The following LAMC3 variants were observed in gnomAD, a reference collection of about 807,000 sequenced individuals.
LAMC3 encodes the protein laminin subunit gamma-3.
Under a neutral mutation model 173.8 loss-of-function variants are expected in LAMC3, and 128 were observed. That is an observed-to-expected ratio of 0.74 (90% CI 0.64 to 0.85). LAMC3 has a LOEUF of 0.85. Among genes scored for constraint, LAMC3 ranks in the 40% least tolerant of loss-of-function variants. The pLI, the probability that LAMC3 is intolerant of heterozygous loss-of-function variation, is 0.00. For synonymous variants in LAMC3, 897 were observed against 909.1 expected, an observed-to-expected ratio of 0.99 and a Z score of 0.24; for missense variants, 2,022 against 2,156.0, an observed-to-expected ratio of 0.94 and a Z score of 1.23.
At chr9:131,045,453 G>A in intron 7 of LAMC3, 71 bp from the exon 8 acceptor site, 1 of 1,572,990 alleles carries the variant, frequency 6.4e-7, no homozygotes, top group East Asian at 2.2e-5. Flanking sequence ...GGTCCAGCTG[G>A]GATACCCTGG....
chr9:131,009,328 G>T lies in LAMC3; in HGVS notation c.114G>T (p.Val38=), dbSNP rs1833360542. ...GAGRPQRCLP[V]FENAAFGRLA... ...GGCGCCCGCAGCGCTGCCTGCCGGT[G>T]TTCGAGAACGCGGCGTTTGGGCGGC... The change falls in exon 1 of 28, where the codon GTG becomes GTT. Residue 38 remains valine, a synonymous_variant. Transcript: ENST00000361069. This position sits in a 1 kb window ranked among gnomAD's most constrained non-coding sequence, Gnocchi z 4.3. 6.7e-7 allele frequency: 1 copy of T among 1,486,668 alleles called. No individual in the cohort carries two copies. The highest frequency in any genetic ancestry group is 8.9e-7 in the Non-Finnish European group (1 of 1,125,560). The allele number at this position is 1,486,668 out of a possible 1,614,324, so 92.1% of individuals were successfully genotyped here. A position where few individuals can be genotyped will look rare whatever the true frequency, so the allele number is the denominator to read the frequency against.
At position 131,059,490 on chromosome 9, in the gene LAMC3, C is replaced by CAA. The variant is rs58064050; in HGVS notation, c.2159-1517_2159-1516dup. Reference sequence around the variant, plus strand: ...CTGGGCGACAGAGCGGACTCCGTCTCAAAAAAAAAAAAAAAAAAAAAAAAA... The same window carrying CAA: ...CTGGGCGACAGAGCGGACTCCGTCTCAAAAAAAAAAAAAAAAAAAAAAAAAAA... On this transcript the variant is annotated intron_variant, in intron 12 of 27. Transcript: ENST00000361069. Among the ~76,000 whole-genome samples, 482 of 64,400 alleles carry CAA rather than the reference C, an allele frequency of 7.5e-3. 33 individuals are homozygous for CAA. The highest frequency in any genetic ancestry group is 0.017 in the African/African-American group (312 of 18,062). The allele number at this position is 64,400 out of a possible 152,430, so 42.2% of individuals were successfully genotyped here. A position where few individuals can be genotyped will look rare whatever the true frequency, so the allele number is the denominator to read the frequency against.
intron 27 of LAMC3, among the ~76,000 whole-genome samples, chr9:131,089,561 T>C (rs1830388405): frequency 1.8e-5 from 2 of 111,150 alleles, no homozygotes; most frequent in Non-Finnish European, 3.8e-5. Context: ...TTTTTTTTTT[T>C]TTTGGAGACA....
intron 13 of LAMC3, 135 bp from the exon 14 acceptor site, chr9:131,066,825 C>G: frequency 8.4e-7 from 1 of 1,191,244 alleles, no homozygotes; most frequent in Non-Finnish European, 1.2e-6. Context: ...CACTGGGGGC[C>G]GGTCCCAGGT....
intron 3 of LAMC3, among the ~76,000 whole-genome samples, chr9:131,032,634 TGCTCTCTC>T (rs1406137639): frequency 7.5e-6 from 1 of 133,734 alleles, no homozygotes; most frequent in East Asian, 2.2e-4. Flanking sequence ...CACTCTCTCT[TGCTCTCTC>T]GCTCTCACTC....
rs74794248 is a variant in LAMC3 at position 131,051,257 on chromosome 9, A to G, written c.1631-1234A>G. Among the ~76,000 whole-genome samples, 842 of 151,398 alleles carry G rather than the reference A, an allele frequency of 5.6e-3. 4 individuals carry two copies. Among genetic ancestry groups the G allele is most frequent in the Admixed American group, 0.011 (172 of 15,172 alleles). ...TTTTTCCCCTGCAGTTTTGCCCTTT[A>G]TTTGTCATGGTGTTTTTTGGTTTGC... On this transcript the variant is annotated intron_variant, in intron 9 of 27. Coordinates refer to ENST00000361069, the MANE Select transcript of LAMC3 (RefSeq NM_006059.4).
At chr9:131,064,555 C>A (rs941044505) in intron 13 of LAMC3, among the ~76,000 whole-genome samples, 2 of 150,444 alleles carry the variant, frequency 1.3e-5, no homozygotes, top group African/African-American at 4.9e-5. Context: ...CCCAGCTACG[C>A]GGGAGGCTGA....
At chr9:131,060,887 C>A in intron 12 of LAMC3, 148 bp from the exon 13 acceptor site, 1 of 776,306 alleles carries the variant, frequency 1.3e-6, no homozygotes, top group South Asian at 1.5e-5. Flanking sequence ...CAGGCCTGGA[C>A]CCTCAATCCC....
rs770691678 is a variant in LAMC3 at position 131,029,763 on chromosome 9, G to A, written c.679-2282G>A. 3.3e-5 allele frequency among the ~76,000 whole-genome samples: 5 copies of A among 152,102 alleles called. No individual in the cohort carries two copies. Among genetic ancestry groups the A allele is most frequent in the South Asian group, 2.1e-4 (1 of 4,830 alleles). ...GACCTGGCTGTTGCAGAGTAAGACC[G>A]CCAGAGTTGAGGGGCCGCCTGAGCA... is the stretch of plus-strand genomic sequence containing the variant. On this transcript the variant is annotated intron_variant, in intron 2 of 27. Transcript: ENST00000361069. The surrounding 1 kb of genome is among the most constrained non-coding windows in gnomAD (Gnocchi z 4.6).
At chr9:131,036,439 CG>C in intron 4 of LAMC3, 107 bp downstream of exon 4, 3 of 1,264,964 alleles carry the variant, frequency 2.4e-6, no homozygotes, top group Non-Finnish European at 2.2e-6. Context: ...GGGTACGCCC[CG>C]GGGGCAGCTC....
chr9:131,079,408 T>G, intron 23 of LAMC3, 110 bp downstream of exon 23: 7 of 1,363,026 alleles, frequency 5.1e-6, no homozygotes, highest in Non-Finnish European at 6.1e-6. Flanking sequence ...GAAGTAGCTC[T>G]GTCCGGCCGG....
chr9:131,026,256 T>G lies in LAMC3; in HGVS notation c.374-29T>G. On this transcript the variant is annotated intron_variant, in intron 1 of 27. Coordinates refer to ENST00000361069, the MANE Select transcript of LAMC3 (RefSeq NM_006059.4). The surrounding 1 kb of genome is among the most constrained non-coding windows in gnomAD (Gnocchi z 4.8). ...GATTCCATACCTCCTTCCCCTTCCA[T>G]AAAATGGGCCCCGTTTTCCTGGCTG... 1 of 1,613,688 alleles carries G rather than the reference T, an allele frequency of 6.2e-7. No homozygotes were observed. Among genetic ancestry groups the G allele is most frequent in the Non-Finnish European group, 8.5e-7 (1 of 1,179,876 alleles).
At chr9:131,044,797 A>G (rs1010139633) in intron 7 of LAMC3, among the ~76,000 whole-genome samples, 1 of 152,242 alleles carries the variant, frequency 6.6e-6, no homozygotes, top group Non-Finnish European at 1.5e-5. Context: ...AAGTGTCAAG[A>G]TAGTGGCAGA....
chr9:131,068,035 A>T lies in LAMC3; in HGVS notation c.2594-43A>T, dbSNP rs201470924. The T allele has an allele frequency of 7.1e-4, 1,139 of 1,601,516 alleles. 9 individuals carry two copies. The highest frequency in any genetic ancestry group is 2.9e-4 in the East Asian group (13 of 44,856). ...TTGGACCCCCAAAGTTGGAACAGAC[A>T]ATCTGCATTGTTCCCAACACCCCTT... is the stretch of plus-strand genomic sequence containing the variant. On this transcript the variant is annotated intron_variant, in intron 14 of 27. Transcript: ENST00000361069.
At chr9:131,071,315 G>A (rs188552169) in intron 17 of LAMC3, among the ~76,000 whole-genome samples, 169 bp from the exon 18 acceptor site, 1 of 152,238 alleles carries the variant, frequency 6.6e-6, no homozygotes, top group East Asian at 1.9e-4. Context: ...ACCATGGGGT[G>A]GGCAGGATTG....
chr9:131,017,127 G>C lies in LAMC3; in HGVS notation c.373+7540G>C, dbSNP rs984781862. Among the ~76,000 whole-genome samples, 11 of 152,182 alleles carry C rather than the reference G, an allele frequency of 7.2e-5. 1 individual carries two copies. Among genetic ancestry groups the C allele is most frequent in the African/African-American group, 2.7e-4 (11 of 41,448 alleles). The stretch of plus-strand genomic sequence containing the variant: ...GCAGAGGCTTCGGGCCTTGGAACGA[G>C]GTGGGGGGCTGGCCCAGATGTGTAT... On this transcript the variant is annotated intron_variant, in intron 1 of 27. Transcript: ENST00000361069.
intron 2 of LAMC3, among the ~76,000 whole-genome samples, chr9:131,031,704 A>T (rs752783565): frequency 3.9e-5 from 6 of 152,130 alleles, no homozygotes; most frequent in Non-Finnish European, 7.4e-5. Context: ...CTGCTTCCTG[A>T]CCACGGGCCC....
chr9:131,090,781 C>T (rs900188795), intron 27 of LAMC3, among the ~76,000 whole-genome samples: 2 of 152,094 alleles, frequency 1.3e-5, no homozygotes, highest in African/African-American at 4.8e-5. Context: ...AATCCCAGCA[C>T]TTTGGGAGGC....
intron 25 of LAMC3, among the ~76,000 whole-genome samples, chr9:131,087,002 G>A (rs187712667): frequency 1.5e-4 from 23 of 152,306 alleles, no homozygotes; most frequent in Admixed American, 1.4e-3. Flanking sequence ...TGGGACCATA[G>A]GCATGAGCCA....
Sources: gnomAD v4.1 joint callset for allele counts (sites outside exome capture counted in the v4.1 genomes callset) on GRCh38, gnomAD v4.1.1 for gene constraint, Gnocchi (gnomAD v3.1) non-coding constraint, MANE v1.5 for transcripts, NCBI Gene and HGNC (gene_info 2026-07-23, HGNC 2026-07-21) for gene names.